Variants in GALNT13 observed in about 807,000 individuals in gnomAD.
The protein encoded by GALNT13 is polypeptide N-acetylgalactosaminyltransferase 13, also known as UDP-GalNAc:polypeptide N-acetylgalactosaminyltransferase 13.
A neutral mutation model predicts 64.2 loss-of-function variants in GALNT13; 28 were observed. That is an observed-to-expected ratio of 0.44 (90% CI 0.32 to 0.60). The LOEUF is 0.60. Ranked by LOEUF, GALNT13 falls within the 20% of genes least tolerant of loss-of-function variation. The probability of loss-of-function intolerance (pLI) is 0.05; values close to 1 mark genes in which losing one functional copy is unlikely to be tolerated. For missense variants in GALNT13, 577 were observed against 669.8 expected, an observed-to-expected ratio of 0.86 and a Z score of 1.53; for synonymous variants, 214 against 224.6, an observed-to-expected ratio of 0.95 and a Z score of 0.42.
intron 3 of GALNT13, among the ~76,000 whole-genome samples, chr2:154,082,315 G>C (rs1701310825): frequency 6.6e-6 from 1 of 151,602 alleles, no homozygotes; most frequent in African/African-American, 2.4e-5. Context: ...TTATGTGCCA[G>C]AGCAGTTGAG....
At chr2:153,873,672 C>G (rs1037838237) in intron 1 of GALNT13, among the ~76,000 whole-genome samples, 25 of 152,166 alleles carry the variant, frequency 1.6e-4, no homozygotes, top group Admixed American at 4.6e-4. Context: ...CGTGGTCAGC[C>G]TTCCCTGAAA....
the GALNT13 span, among the ~76,000 whole-genome samples, chr2:153,758,666 C>T: frequency 6.6e-6 from 1 of 152,150 alleles, no homozygotes; most frequent in African/African-American, 2.4e-5. Context: ...GATCTTGGCT[C>T]ACTGCAACCT....
chr2:154,122,507 T>G (rs1272997317), intron 3 of GALNT13, among the ~76,000 whole-genome samples: 1 of 152,042 alleles, frequency 6.6e-6, no homozygotes, highest in South Asian at 2.1e-4. Context: ...TTGGTATTCT[T>G]TTTTCTTAAC....
intron 1 of GALNT13, among the ~76,000 whole-genome samples, chr2:153,895,580 T>C (rs1482671257): frequency 6.6e-6 from 1 of 151,964 alleles, no homozygotes; most frequent in Non-Finnish European, 1.5e-5. Flanking sequence ...AGAACTAGGG[T>C]CAAGTTGGGG....
chr2:153,749,534 C>T, the GALNT13 span, among the ~76,000 whole-genome samples: 1 of 152,018 alleles, frequency 6.6e-6, no homozygotes, highest in East Asian at 1.9e-4. Flanking sequence ...TCATACTTTG[C>T]ATTATAGAGA....
chr2:154,389,569 C>G (rs1050438715), intron 9 of GALNT13, among the ~76,000 whole-genome samples: 7 of 152,098 alleles, frequency 4.6e-5, no homozygotes, highest in African/African-American at 1.4e-4. Flanking sequence ...TTTAGAGAGA[C>G]AGAACTATTA....
At chr2:153,222,249 C>G in the GALNT13 span, among the ~76,000 whole-genome samples, 2 of 100,692 alleles carry the variant, frequency 2.0e-5, no homozygotes, top group Middle Eastern at 0.016. Flanking sequence ...GAGAGGAGAC[C>G]CACAGTGTGT....
chr2:154,391,858 T>A (rs1179724371), intron 9 of GALNT13, among the ~76,000 whole-genome samples: 1 of 151,932 alleles, frequency 6.6e-6, no homozygotes, highest in African/African-American at 2.4e-5. Context: ...ATAAGTGCCA[T>A]GGAAAAAAAT....
At chr2:153,837,892 T>C in the GALNT13 span, among the ~76,000 whole-genome samples, 1 of 152,072 alleles carries the variant, frequency 6.6e-6, no homozygotes, top group Non-Finnish European at 1.5e-5. Context: ...GTTTCAATAA[T>C]GTACAAGTGT....
chr2:153,659,870 A>T, the GALNT13 span, among the ~76,000 whole-genome samples: 2 of 152,138 alleles, frequency 1.3e-5, no homozygotes, highest in African/African-American at 4.8e-5. Context: ...ATGAATAACT[A>T]AGCCAACAAC....
At chr2:153,542,379 G>C in the GALNT13 span, among the ~76,000 whole-genome samples, 2 of 151,406 alleles carry the variant, frequency 1.3e-5, no homozygotes, top group African/African-American at 4.9e-5. Context: ...ACCGGAAGTA[G>C]AAGCACATTT....
the GALNT13 span, among the ~76,000 whole-genome samples, chr2:153,758,413 CAGAT>C: frequency 6.6e-6 from 1 of 151,370 alleles, no homozygotes; most frequent in Non-Finnish European, 1.5e-5. Flanking sequence ...ATTTTGAATT[CAGAT>C]AGTGTAATGC....
At chr2:154,173,733 G>C (rs529249039) in intron 4 of GALNT13, among the ~76,000 whole-genome samples, 99 of 152,170 alleles carry the variant, frequency 6.5e-4, no homozygotes, top group African/African-American at 2.3e-3. Flanking sequence ...GGTCTGAATA[G>C]ACATTTCTCT....
chr2:153,769,231 C>T, the GALNT13 span, among the ~76,000 whole-genome samples: 1 of 152,152 alleles, frequency 6.6e-6, no homozygotes, highest in African/African-American at 2.4e-5. Flanking sequence ...ATGGTGAATA[C>T]TATCCCTTCA....
At chr2:154,000,514 C>T (rs1000031134) in intron 3 of GALNT13, among the ~76,000 whole-genome samples, 6 of 151,810 alleles carry the variant, frequency 4.0e-5, no homozygotes, top group Non-Finnish European at 8.8e-5. Flanking sequence ...TTTCCATTTT[C>T]ATTGGTCTCA....
chr2:154,448,403 T>C (rs1012551365), intron 12 of GALNT13, among the ~76,000 whole-genome samples: 3 of 151,990 alleles, frequency 2.0e-5, no homozygotes, highest in South Asian at 2.1e-4. Context: ...TTTGTAAGCA[T>C]GTTTAAGTCT....
chr2:153,890,227 T>G (rs1474592723), intron 1 of GALNT13, among the ~76,000 whole-genome samples: 1 of 152,022 alleles, frequency 6.6e-6, no homozygotes, highest in Non-Finnish European at 1.5e-5. Context: ...ATAAATTACA[T>G]GTTGTTATTT....
chr2:153,647,871 T>C, the GALNT13 span, among the ~76,000 whole-genome samples: 1 of 152,220 alleles, frequency 6.6e-6, no homozygotes, highest in African/African-American at 2.4e-5. Flanking sequence ...TACTGTAGCC[T>C]TGTAGTGTAG....
chr2:153,955,503 A>T (rs531720409), intron 3 of GALNT13, among the ~76,000 whole-genome samples: 2 of 152,346 alleles, frequency 1.3e-5, no homozygotes, highest in East Asian at 1.9e-4. Context: ...GAGCAGAATC[A>T]GTCATAAAAG....
Sources: gnomAD v4.1 joint callset for allele counts (sites outside exome capture counted in the v4.1 genomes callset) on GRCh38, gnomAD v4.1.1 for gene constraint, MANE v1.5 for transcripts, NCBI Gene and HGNC (gene_info 2026-07-23, HGNC 2026-07-21) for gene names.